The following CDH13 variants were observed in gnomAD, a reference collection of about 807,000 sequenced individuals.
The protein encoded by CDH13 is cadherin 13, also known as cadherin-13.
CDH13 carries 24 observed loss-of-function variants against 63.8 expected under a neutral mutation model. That is an observed-to-expected ratio of 0.38 (90% CI 0.27 to 0.53). The LOEUF is 0.53. CDH13 is among the 20% of genes least tolerant of loss of function. CDH13 has a pLI of 0.85. For synonymous variants in CDH13, 503 were observed against 355.3 expected (o/e 1.42, Z -4.67); for missense variants, 1,049 against 903.1 (o/e 1.16, Z -2.07).
Position 83,228,649 on chromosome 16 carries a change from G to C in CDH13, c.636+11152G>C, listed in dbSNP as rs576952245. 3.9e-5 allele frequency among the ~76,000 whole-genome samples: 6 copies of C among 152,350 alleles called. No individual in the cohort carries two copies. The South Asian group carries it at 1.0e-3, about 26-fold the overall frequency. Reference sequence around the variant, plus strand: ...CAGGAAGGGTTTTGTGAGAACAGCTGATGGAAGAAAGCATTTAATGGCACC... The same window carrying C: ...CAGGAAGGGTTTTGTGAGAACAGCTCATGGAAGAAAGCATTTAATGGCACC... On this transcript the variant is annotated intron_variant, in intron 5 of 13. Coordinates refer to ENST00000567109, the MANE Select transcript of CDH13 (RefSeq NM_001257.5).
chr16:82,784,489 C>T (rs1372813480), intron 1 of CDH13, among the ~76,000 whole-genome samples: 4 of 152,136 alleles, frequency 2.6e-5, no homozygotes, highest in African/African-American at 9.7e-5. Flanking sequence ...TTATCCTTGT[C>T]ATTTATTGAG....
chr16:83,171,613 T>C (rs1425250921), intron 4 of CDH13: 1 of 1,469,614 alleles, frequency 6.8e-7, no homozygotes, highest in Non-Finnish European at 9.2e-7. Flanking sequence ...CTATCTTCAT[T>C]TCCTTGTTTG....
chr16:83,304,524 G>C (rs2089828867), intron 5 of CDH13, among the ~76,000 whole-genome samples: 1 of 152,110 alleles, frequency 6.6e-6, no homozygotes, highest in Non-Finnish European at 1.5e-5. Context: ...TGGCTACTCA[G>C]ATTTGATGTA....
At chr16:83,559,803 C>G (rs1031169601) in intron 7 of CDH13, among the ~76,000 whole-genome samples, 1 of 152,142 alleles carries the variant, frequency 6.6e-6, no homozygotes, top group Non-Finnish European at 1.5e-5. Context: ...AGCCAAGAAG[C>G]CGAAGGCACC....
At chr16:83,284,252 C>T (rs79723482) in intron 5 of CDH13, among the ~76,000 whole-genome samples, 17,357 of 152,154 alleles carry the variant, frequency 0.11, 1,086 homozygotes, top group East Asian at 0.15. Flanking sequence ...AAAGAGACCA[C>T]TCAGGAGAAG....
chr16:82,758,431 C>G (rs867837632), intron 1 of CDH13, among the ~76,000 whole-genome samples: 1,896 of 151,950 alleles, frequency 0.012, 39 homozygotes, highest in African/African-American at 0.043. Flanking sequence ...TTGATACCCC[C>G]CCCCCTTTGC....
intron 1 of CDH13, among the ~76,000 whole-genome samples, chr16:82,801,484 T>C (rs1287700272): frequency 1.3e-5 from 2 of 152,174 alleles, no homozygotes; most frequent in Admixed American, 6.5e-5. Flanking sequence ...CCACACACTT[T>C]CCATCAATCC....
intron 2 of CDH13, among the ~76,000 whole-genome samples, chr16:82,948,931 G>T (rs1419726834): frequency 1.3e-5 from 2 of 152,184 alleles, no homozygotes; most frequent in African/African-American, 4.8e-5. Flanking sequence ...ATCTGGTCCA[G>T]ACCTTGTAAG....
intron 5 of CDH13, among the ~76,000 whole-genome samples, chr16:83,343,895 T>A (rs1252149007): frequency 6.6e-6 from 1 of 152,216 alleles, no homozygotes; most frequent in Non-Finnish European, 1.5e-5. Flanking sequence ...GATAATATAG[T>A]ATAGAGCTAA....
rs1006854422 is a variant in CDH13 at position 83,571,203 on chromosome 16, A to G, written c.961-31251A>G. ...GAAATCTTCACCCAATTTGCTCCAT[A>G]TGGATTTTCTACCTTATTTTACTAC... On this transcript the variant is annotated intron_variant, in intron 7 of 13. Transcript: ENST00000567109. Among the ~76,000 whole-genome samples, 14 of 152,112 alleles carry G rather than the reference A, an allele frequency of 9.2e-5. No individual in the cohort carries two copies. In the East Asian group the frequency reaches 2.7e-3, roughly 29 times the overall value.
intron 6 of CDH13, among the ~76,000 whole-genome samples, chr16:83,395,812 G>C (rs566883096): frequency 1.3e-5 from 2 of 152,294 alleles, no homozygotes; most frequent in South Asian, 4.1e-4. Flanking sequence ...TAACTTTTAA[G>C]TTGAGGAGTA....
At chr16:82,627,804 C>A (rs139512845) in intron 1 of CDH13, among the ~76,000 whole-genome samples, 5,231 of 152,318 alleles carry the variant, frequency 0.034, 168 homozygotes, top group African/African-American at 0.079. Context: ...CGGAGCGTGT[C>A]CCCCGCCAGG....
intron 6 of CDH13, among the ~76,000 whole-genome samples, chr16:83,413,439 TC>T (rs2092156120): frequency 6.6e-6 from 1 of 152,204 alleles, no homozygotes; most frequent in Non-Finnish European, 1.5e-5. Flanking sequence ...CGACTTTCAT[TC>T]CTCACCAGGC....
intron 7 of CDH13, among the ~76,000 whole-genome samples, chr16:83,564,263 A>T (rs950326070): frequency 2.6e-5 from 4 of 152,178 alleles, no homozygotes; most frequent in African/African-American, 9.7e-5. Context: ...CTAGCAAGAA[A>T]AAATGGCAGG....
At chr16:82,876,517 A>G (rs2040509093) in intron 2 of CDH13, among the ~76,000 whole-genome samples, 1 of 152,222 alleles carries the variant, frequency 6.6e-6, no homozygotes, top group Non-Finnish European at 1.5e-5. Context: ...ATAAAAGGTA[A>G]GCTTTTAAAA....
At chr16:83,480,325 CAAT>C (rs1182105543) in intron 6 of CDH13, among the ~76,000 whole-genome samples, 2 of 152,136 alleles carry the variant, frequency 1.3e-5, no homozygotes, top group African/African-American at 2.4e-5. Flanking sequence ...CAAACAACAA[CAAT>C]AAAATTTGGG....
chr16:82,717,048 C>G (rs893546699), intron 1 of CDH13, among the ~76,000 whole-genome samples: 1 of 151,940 alleles, frequency 6.6e-6, no homozygotes, highest in East Asian at 1.9e-4. Context: ...GCAGTTGTGT[C>G]CCCTTGCTGA....
intron 10 of CDH13, among the ~76,000 whole-genome samples, chr16:83,714,042 C>A (rs1369775138): frequency 6.6e-6 from 1 of 151,554 alleles, no homozygotes; most frequent in East Asian, 1.9e-4. Flanking sequence ...CACCCTATAC[C>A]CATCGCTGGC....
chr16:83,645,385 A>T (rs1330954375), intron 8 of CDH13, among the ~76,000 whole-genome samples: 1 of 152,180 alleles, frequency 6.6e-6, no homozygotes. Flanking sequence ...ATAGACAGTG[A>T]GGACTCCAAA....
Sources: allele counts gnomAD v4.1 joint callset (sites outside exome capture counted in the v4.1 genomes callset), GRCh38; gene constraint gnomAD v4.1.1; transcripts MANE v1.5; gene names NCBI Gene and HGNC (gene_info 2026-07-23, HGNC 2026-07-21).